The following NMT2 variants were observed in gnomAD, a reference collection of about 807,000 sequenced individuals.
The protein encoded by NMT2 is N-myristoyltransferase 2, also known as glycylpeptide N-tetradecanoyltransferase 2.
A neutral mutation model predicts 65.4 loss-of-function variants in NMT2; 35 were observed. The observed-to-expected ratio is 0.54, with a 90% CI of 0.41 to 0.71. The LOEUF (loss-of-function observed/expected upper bound fraction) is 0.71. Ranked by LOEUF, NMT2 falls within the 30% of genes least tolerant of loss-of-function variation. The pLI is 0.00. For synonymous variants in NMT2, 226 were observed against 231.8 expected, an observed-to-expected ratio of 0.98 and a Z score of 0.23; for missense variants, 489 against 611.3, an observed-to-expected ratio of 0.80 and a Z score of 2.11.
At chr10:15,144,083 CT>C (rs773075502) in intron 1 of NMT2, among the ~76,000 whole-genome samples, 6 of 152,202 alleles carry the variant, frequency 3.9e-5, no homozygotes, top group South Asian at 2.1e-4. Flanking sequence ...CACATCAAAA[CT>C]TTTTTTTCTT....
intron 1 of NMT2, among the ~76,000 whole-genome samples, chr10:15,159,308 G>A (rs893594078): frequency 2.0e-5 from 3 of 152,086 alleles, no homozygotes; most frequent in African/African-American, 7.2e-5. Context: ...TTGGGTACTT[G>A]ACTTTCTATA....
chr10:15,108,389 G>T lies in NMT2; in HGVS notation c.*806C>A. The T allele has an allele frequency of 1.8e-6, 1 of 560,404 alleles. No individual in the cohort carries two copies. Among genetic ancestry groups the T allele is most frequent in the Non-Finnish European group, 2.3e-6 (1 of 442,384 alleles). The allele number at this position is 560,404 out of a possible 1,614,324, so 34.7% of individuals were successfully genotyped here. On this transcript the variant is annotated 3_prime_UTR_variant, in exon 12 of 12. Coordinates refer to ENST00000378165, the MANE Select transcript of NMT2 (RefSeq NM_004808.3). ...TTTAGTAGAGATGGGGTTTCACTAT[G>T]TTGGCCAGAATGGTCTCGATCTCCT...
intron 2 of NMT2, among the ~76,000 whole-genome samples, chr10:15,138,029 G>A (rs1275504654): frequency 1.7e-5 from 1 of 58,172 alleles, no homozygotes; most frequent in Non-Finnish European, 3.5e-5. Flanking sequence ...TTTTCATTTT[G>A]AGGCAGAGTC....
intron 1 of NMT2, 21 bp downstream of exon 1, chr10:15,168,482 G>A (rs749945501): frequency 3.9e-6 from 6 of 1,555,920 alleles, no homozygotes; most frequent in Admixed American, 1.7e-5. Flanking sequence ...CGCGCCCGGT[G>A]CGCCAGCGCG....
chr10:15,118,687 G>A (rs938005434), intron 9 of NMT2, among the ~76,000 whole-genome samples: 3 of 151,628 alleles, frequency 2.0e-5, no homozygotes, highest in Non-Finnish European at 4.4e-5. Flanking sequence ...TCAACAATGA[G>A]GATATAAATT....
chr10:15,155,142 A>C, intron 1 of NMT2: 1 of 1,512,204 alleles, frequency 6.6e-7, no homozygotes, highest in Non-Finnish European at 9.2e-7. Flanking sequence ...ACCCTGACAC[A>C]AAAGCCCTAG....
chr10:15,161,384 C>A (rs1833193349), intron 1 of NMT2, among the ~76,000 whole-genome samples: 1 of 152,226 alleles, frequency 6.6e-6, no homozygotes, highest in Admixed American at 6.5e-5. Context: ...CAGAGTCTTG[C>A]TCTGTCGCCC....
At chr10:15,155,822 C>T (rs1310393385) in intron 1 of NMT2, among the ~76,000 whole-genome samples, 1 of 151,980 alleles carries the variant, frequency 6.6e-6, no homozygotes, top group African/African-American at 2.4e-5. Flanking sequence ...TGCTTTAGGG[C>T]CATGGAAGTA....
At position 15,135,392 on chromosome 10, in the gene NMT2, C is replaced by G. The variant is rs752583371; in HGVS notation, c.273G>C (p.Leu91Phe). The G allele has an allele frequency of 1.2e-6, 2 of 1,614,040 alleles. No individual in the cohort carries two copies. Among genetic ancestry groups the G allele is most frequent in the African/African-American group, 2.7e-5 (2 of 74,912 alleles). The change falls in exon 3 of 12, where the codon TTG (leucine) becomes TTC (phenylalanine). Residue 91 changes from leucine (L) to phenylalanine (F), a missense_variant. Coordinates refer to ENST00000378165, the MANE Select transcript of NMT2 (RefSeq NM_004808.3). Reference sequence around the variant, plus strand: ...GCTCCATTGCTCTCTGGATATCCTGCAACTTCTGCATTGGAACACTGGGAT... The same window carrying G: ...GCTCCATTGCTCTCTGGATATCCTGGAACTTCTGCATTGGAACACTGGGAT... ...SKNPSVPMQK[L>F]QDIQRAMELL...
chr10:15,115,870 C>T (rs2131486788), intron 9 of NMT2, among the ~76,000 whole-genome samples: 1 of 152,196 alleles, frequency 6.6e-6, no homozygotes, highest in East Asian at 1.9e-4. Context: ...AAGATCAATC[C>T]ACTAGGGAGA....
chr10:15,143,123 G>A (rs1440311887), intron 1 of NMT2, among the ~76,000 whole-genome samples: 1 of 152,118 alleles, frequency 6.6e-6, no homozygotes, highest in Non-Finnish European at 1.5e-5. Flanking sequence ...CTCTAGAGGT[G>A]GTGCCATCAC....
intron 10 of NMT2, among the ~76,000 whole-genome samples, chr10:15,110,125 A>T (rs1845457567): frequency 6.6e-6 from 1 of 152,056 alleles, no homozygotes; most frequent in African/African-American, 2.4e-5. Flanking sequence ...TAACAAAAAT[A>T]AGCCAGATGT....
At chr10:15,112,360 C>T (rs11259494) in intron 10 of NMT2, among the ~76,000 whole-genome samples, 10,715 of 147,112 alleles carry the variant, frequency 0.073, 679 homozygotes, top group African/African-American at 0.18. Context: ...TCCCGAGTAG[C>T]TGGGATTACA....
intron 1 of NMT2, among the ~76,000 whole-genome samples, chr10:15,159,849 T>C (rs921056335): frequency 1.3e-5 from 2 of 152,156 alleles, no homozygotes; most frequent in East Asian, 3.9e-4. Context: ...GAGCCACAGC[T>C]TGGGGCAGGA....
At chr10:15,132,523 G>A (rs1487652343) in intron 6 of NMT2, among the ~76,000 whole-genome samples, 2 of 152,132 alleles carry the variant, frequency 1.3e-5, no homozygotes. Context: ...CGCCTCCTGG[G>A]TTCAAGCAAT....
intron 9 of NMT2, among the ~76,000 whole-genome samples, chr10:15,116,475 G>A (rs572718271): frequency 2.1e-4 from 32 of 152,264 alleles, no homozygotes; most frequent in South Asian, 1.2e-3. Context: ...TAGTAACAGG[G>A]AAAGGTCTCA....
intron 1 of NMT2, among the ~76,000 whole-genome samples, chr10:15,141,858 C>T (rs1025872136): frequency 6.6e-6 from 1 of 152,216 alleles, no homozygotes; most frequent in Admixed American, 6.5e-5. Context: ...TATCACTACT[C>T]TCCTAATCTA....
At chr10:15,116,448 T>C (rs1845749687) in intron 9 of NMT2, among the ~76,000 whole-genome samples, 1 of 152,150 alleles carries the variant, frequency 6.6e-6, no homozygotes, top group South Asian at 2.1e-4. Context: ...GGGAAACTGA[T>C]AGAACTAAAT....
At chr10:15,155,430 G>A in intron 1 of NMT2, 2 of 518,068 alleles carry the variant, frequency 3.9e-6, no homozygotes, top group Non-Finnish European at 3.5e-6. Context: ...GTGCAGTGAT[G>A]CAATCATAGC....
Sources: allele counts gnomAD v4.1 joint callset (sites outside exome capture counted in the v4.1 genomes callset), GRCh38; gene constraint gnomAD v4.1.1; transcripts MANE v1.5; gene names NCBI Gene and HGNC (gene_info 2026-07-23, HGNC 2026-07-21).